Variants in LPP observed in about 807,000 individuals in gnomAD.
LPP encodes the protein LIM domain containing preferred translocation partner in lipoma.
LPP carries 38 observed loss-of-function variants against 60.4 expected under a neutral mutation model. The ratio of observed to expected loss-of-function variants is 0.63; its 90% CI spans 0.49 to 0.83. LPP has a LOEUF of 0.83. Among genes scored for constraint, LPP ranks in the 40% least tolerant of loss-of-function variants. The pLI is 0.00. For missense variants in LPP, 902 were observed against 783.6 expected, an observed-to-expected ratio of 1.15 and a Z score of -1.80; for synonymous variants, 328 against 290.8, an observed-to-expected ratio of 1.13 and a Z score of -1.30.
intron 9 of LPP, among the ~76,000 whole-genome samples, chr3:188,818,048 A>T (rs78244695): frequency 3.3e-5 from 5 of 152,196 alleles, no homozygotes; most frequent in African/African-American, 1.2e-4. Flanking sequence ...CTGTAGGTCT[A>T]CAAGTTACTA....
chr3:188,447,305 A>G (rs1226319295), intron 4 of LPP, among the ~76,000 whole-genome samples: 1 of 152,140 alleles, frequency 6.6e-6, no homozygotes, highest in Non-Finnish European at 1.5e-5. Context: ...GGGCATATAT[A>G]AGGTCCAAAG....
At chr3:188,188,259 T>A (rs965909992) in intron 1 of LPP, among the ~76,000 whole-genome samples, 1 of 152,170 alleles carries the variant, frequency 6.6e-6, no homozygotes, top group African/African-American at 2.4e-5. Context: ...CTTTTTTCCT[T>A]TTGGAAAGGA....
chr3:188,526,324 T>G (rs1820574151), intron 6 of LPP, among the ~76,000 whole-genome samples: 1 of 152,038 alleles, frequency 6.6e-6, no homozygotes. Context: ...AGATGGAGTC[T>G]CTCTCTGTTG....
intron 7 of LPP, among the ~76,000 whole-genome samples, chr3:188,626,287 TATTTACCTAGC>T (rs1459001591): frequency 6.6e-6 from 1 of 152,126 alleles, no homozygotes; most frequent in African/African-American, 2.4e-5. Flanking sequence ...ATATAACAAG[TATTTACCTAGC>T]ATTTACATTG....
chr3:188,544,310 C>T (rs1825966136), intron 6 of LPP, among the ~76,000 whole-genome samples: 1 of 152,072 alleles, frequency 6.6e-6, no homozygotes, highest in Non-Finnish European at 1.5e-5. Context: ...GCTGTGTCAC[C>T]CTGAGCAAGT....
At chr3:188,700,210 G>C (rs146159705) in intron 7 of LPP, among the ~76,000 whole-genome samples, 16 of 152,184 alleles carry the variant, frequency 1.1e-4, no homozygotes, top group Admixed American at 1.3e-4. Context: ...GCCTTTTCCC[G>C]GTGTTTTATC....
chr3:188,358,826 C>A (rs1768370707), intron 3 of LPP, among the ~76,000 whole-genome samples: 1 of 152,092 alleles, frequency 6.6e-6, no homozygotes. Flanking sequence ...TTTTGTCATG[C>A]TTTAACTCAT....
intron 1 of LPP, among the ~76,000 whole-genome samples, chr3:188,174,821 G>C (rs999372985): frequency 9.2e-5 from 14 of 152,230 alleles, no homozygotes; most frequent in Middle Eastern, 3.4e-3. Context: ...AGCATGCCTT[G>C]ATTTCTGCCC....
At position 188,524,671 on chromosome 3, in the gene LPP, C is replaced by T; in HGVS notation, c.313C>T (p.Pro105Ser). 2 of 1,613,350 alleles carry T rather than the reference C, an allele frequency of 1.2e-6. No individual in the cohort carries two copies. The highest frequency in any genetic ancestry group is 4.5e-5 in the East Asian group (2 of 44,822). Residue 105 changes from proline to serine, a missense_variant, in exon 6 of 12, where the codon CCC becomes TCC. Transcript: ENST00000617246. ...DEEAFKVQGN[P>S]GGKTLEERRS... is the part of the protein sequence containing the mutation. ...TCTGTGTTGCTTCCAACAGGGGAAT[C>T]CCGGAGGCAAGACACTTGAGGAGAG...
intron 8 of LPP, among the ~76,000 whole-genome samples, chr3:188,726,699 A>G (rs921193215): frequency 6.6e-6 from 1 of 152,146 alleles, no homozygotes; most frequent in African/African-American, 2.4e-5. Flanking sequence ...GGTCTGCCTA[A>G]TTTTGTTTCT....
chr3:188,867,607 G>A (rs1187132516), intron 10 of LPP, among the ~76,000 whole-genome samples: 1 of 152,126 alleles, frequency 6.6e-6, no homozygotes, highest in East Asian at 1.9e-4. Flanking sequence ...GCCTCCCAAA[G>A]AGCTGGTATT....
intron 9 of LPP, among the ~76,000 whole-genome samples, chr3:188,842,612 G>A (rs1384735372): frequency 6.6e-6 from 1 of 151,886 alleles, no homozygotes; most frequent in Admixed American, 6.6e-5. Flanking sequence ...ATTCATCTTT[G>A]TCAAATGAGC....
chr3:188,271,565 G>A (rs1484133166), intron 2 of LPP, among the ~76,000 whole-genome samples: 1 of 152,138 alleles, frequency 6.6e-6, no homozygotes, highest in East Asian at 1.9e-4. Flanking sequence ...GTAAAACTCT[G>A]GCCCTAAGGT....
intron 7 of LPP, among the ~76,000 whole-genome samples, chr3:188,630,116 TGACAAGTGA>T (rs1259281701): frequency 6.6e-6 from 1 of 151,946 alleles, no homozygotes; most frequent in African/African-American, 2.4e-5. Context: ...AAACAAAAAT[TGACAAGTGA>T]GACCTAATTA....
At chr3:188,860,744 A>T (rs952468456) in intron 9 of LPP, among the ~76,000 whole-genome samples, 1 of 152,224 alleles carries the variant, frequency 6.6e-6, no homozygotes, top group African/African-American at 2.4e-5. Context: ...ATACTGTTGT[A>T]GATGCTTGGG....
chr3:188,648,897 C>A (rs1365442526), intron 7 of LPP, among the ~76,000 whole-genome samples: 1 of 152,100 alleles, frequency 6.6e-6, no homozygotes, highest in African/African-American at 2.4e-5. Flanking sequence ...AGCTAAGATG[C>A]ACATGTCAAA....
chr3:188,261,553 A>G (rs1295500033), intron 2 of LPP, among the ~76,000 whole-genome samples: 2 of 152,314 alleles, frequency 1.3e-5, no homozygotes, highest in East Asian at 3.8e-4. Flanking sequence ...TCAAAGTCTA[A>G]TTTTTAAAGA....
intron 2 of LPP, among the ~76,000 whole-genome samples, chr3:188,241,102 G>C (rs1372213232): frequency 6.6e-6 from 1 of 152,198 alleles, no homozygotes. Context: ...TGTCAATAGA[G>C]GGTTAATGTT....
chr3:188,609,932 G>A lies in LPP; in HGVS notation c.1113+88G>A, dbSNP rs1195653785. The A allele has an allele frequency of 1.6e-6, 2 of 1,269,686 alleles. No individual in the cohort carries two copies. The highest frequency in any genetic ancestry group is 1.5e-5 in the African/African-American group (1 of 66,194). 78.7% of individuals were successfully genotyped at this position (1,269,686 alleles called of 1,614,324 possible). On this transcript the variant is annotated intron_variant, in intron 7 of 11. Coordinates refer to ENST00000617246, the MANE Select transcript of LPP (RefSeq NM_001375462.1). The surrounding 1 kb of genome is among the most constrained non-coding windows in gnomAD (Gnocchi z 6.9). ...AGGAAGCGAAGCCTAAGGCAAAAGT[G>A]TGTGTGTTACTTTTATTTCACTGAC...
Sources: allele counts gnomAD v4.1 joint callset (sites outside exome capture counted in the v4.1 genomes callset), GRCh38; gene constraint gnomAD v4.1.1; non-coding constraint Gnocchi (gnomAD v3.1); transcripts MANE v1.5; gene names NCBI Gene and HGNC (gene_info 2026-07-23, HGNC 2026-07-21).